ZNF282: variants seen among roughly 807,000 people sequenced by gnomAD.
ZNF282 encodes HTLV-I U5 repressive element-binding protein 1.
A neutral mutation model predicts 61.9 loss-of-function variants in ZNF282; 30 were observed. That is an observed-to-expected ratio of 0.48 (90% confidence interval 0.36 to 0.66). ZNF282 has a LOEUF of 0.66. Among genes scored for constraint, ZNF282 ranks in the 30% least tolerant of loss-of-function variants. The pLI is 0.00. For synonymous variants in ZNF282, 396 were observed against 405.0 expected (o/e 0.98, Z 0.27); for missense variants, 788 against 941.4 (o/e 0.84, Z 2.13).
At chr7:149,216,945 G>C (rs1004705729) in intron 7 of ZNF282, among the ~76,000 whole-genome samples, 6 of 152,186 alleles carry the variant, frequency 3.9e-5, no homozygotes, top group Non-Finnish European at 5.9e-5. Context: ...GATTCAGTTT[G>C]CCCAAAGTTA....
intron 2 of ZNF282, among the ~76,000 whole-genome samples, chr7:149,201,066 A>G (rs1795901002): frequency 6.6e-6 from 1 of 152,160 alleles, no homozygotes; most frequent in African/African-American, 2.4e-5. Flanking sequence ...AACATGTCCA[A>G]AGTGAACTGC....
At position 149,224,690 on chromosome 7, in the gene ZNF282, G is replaced by T. The variant is rs1465658405; in HGVS notation, c.*43G>T. ...GCAGGGCCGGACGGAGTGGATCGGGGGCGGCCTGAGCACCAACCACCTTGC... is the reference window on the plus strand; with the variant it reads ...GCAGGGCCGGACGGAGTGGATCGGGTGCGGCCTGAGCACCAACCACCTTGC... On this transcript the variant is annotated 3_prime_UTR_variant, in exon 8 of 8. Coordinates refer to ENST00000610704, the MANE Select transcript of ZNF282 (RefSeq NM_003575.4). The T allele has an allele frequency of 2.8e-6, 4 of 1,452,316 alleles. No individual in the cohort carries two copies. The East Asian group carries it at 1.0e-4, about 36-fold the overall frequency. 90.0% of individuals were successfully genotyped at this position (1,452,316 alleles called of 1,614,324 possible).
intron 4 of ZNF282, among the ~76,000 whole-genome samples, chr7:149,209,676 G>C (rs1388617388): frequency 1.3e-5 from 2 of 152,166 alleles, no homozygotes; most frequent in Non-Finnish European, 2.9e-5. Context: ...CTCATCCACT[G>C]AGTTGGTGCG....
intron 7 of ZNF282, among the ~76,000 whole-genome samples, chr7:149,222,837 G>A (rs973218620): frequency 6.6e-6 from 1 of 151,942 alleles, no homozygotes; most frequent in African/African-American, 2.4e-5. Flanking sequence ...TAGTAGAGAT[G>A]GGGTTTCACT....
intron 7 of ZNF282, among the ~76,000 whole-genome samples, chr7:149,217,860 C>T (rs907083228): frequency 6.6e-6 from 1 of 151,946 alleles, no homozygotes; most frequent in Non-Finnish European, 1.5e-5. Flanking sequence ...GCCATGGAGG[C>T]TTTGGGGAGG....
chr7:149,214,278 A>G (rs1048319001), intron 7 of ZNF282, among the ~76,000 whole-genome samples: 1 of 152,110 alleles, frequency 6.6e-6, no homozygotes, highest in Non-Finnish European at 1.5e-5. Flanking sequence ...TCTTATAAAG[A>G]CACCAGTCAT....
At chr7:149,207,525 G>A (rs1239462912) in intron 4 of ZNF282, 55 bp downstream of exon 4, 8 of 1,548,540 alleles carry the variant, frequency 5.2e-6, no homozygotes, top group Middle Eastern at 1.7e-4. Flanking sequence ...GAGGACAGCC[G>A]GCTTTCCGCA....
At chr7:149,215,548 T>TG (rs1460542325) in intron 7 of ZNF282, among the ~76,000 whole-genome samples, 1 of 152,240 alleles carries the variant, frequency 6.6e-6, no homozygotes, top group African/African-American at 2.4e-5. Context: ...GCGGAGGACA[T>TG]GGGTTGTTTC....
At chr7:149,196,815 A>G (rs565903196) in intron 1 of ZNF282, among the ~76,000 whole-genome samples, 5 of 152,222 alleles carry the variant, frequency 3.3e-5, no homozygotes, top group Non-Finnish European at 7.4e-5. Flanking sequence ...TACTGGTATT[A>G]CAGGGCCTGG....
At chr7:149,220,201 G>A (rs1796221131) in intron 7 of ZNF282, among the ~76,000 whole-genome samples, 1 of 152,188 alleles carries the variant, frequency 6.6e-6, no homozygotes, top group Admixed American at 6.5e-5. Context: ...GAGGTCAGGA[G>A]ATCGAGACCA....
intron 4 of ZNF282, 135 bp from the exon 5 acceptor site, chr7:149,210,450 T>G (rs537212040): frequency 3.4e-6 from 5 of 1,460,372 alleles, no homozygotes; most frequent in Non-Finnish European, 4.6e-6. Flanking sequence ...CAGCCATGCT[T>G]CTGAGCCCAG....
intron 2 of ZNF282, 190 bp from the exon 3 acceptor site, chr7:149,206,506 T>C (rs1795992474): frequency 2.6e-6 from 2 of 759,120 alleles, no homozygotes; most frequent in Admixed American, 2.4e-5. Context: ...TGACCATCCG[T>C]GTTATTGAAA....
At chr7:149,206,586 A>C in intron 2 of ZNF282, 110 bp from the exon 3 acceptor site, 1 of 1,533,938 alleles carries the variant, frequency 6.5e-7, no homozygotes. Flanking sequence ...GGAGCCACGG[A>C]GAGCAAAGGC....
intron 1 of ZNF282, 56 bp downstream of exon 1, chr7:149,195,810 TGGGCCGCGGGACC>T (rs1795806238): frequency 7.3e-7 from 1 of 1,363,876 alleles, no homozygotes; most frequent in South Asian, 1.8e-5. Flanking sequence ...GGGCGCGGGC[TGGGCCGCGGGACC>T]GGGCCGCGCC....
chr7:149,209,379 G>A (rs1382699976), intron 4 of ZNF282, among the ~76,000 whole-genome samples: 4 of 150,738 alleles, frequency 2.7e-5, no homozygotes, highest in Non-Finnish European at 4.4e-5. Flanking sequence ...ACCACCCCCC[G>A]CCCCTGGGAA....
intron 2 of ZNF282, among the ~76,000 whole-genome samples, chr7:149,205,697 G>A (rs12704070): frequency 0.52 from 79,538 of 152,014 alleles, 24,167 homozygotes; most frequent in East Asian, 0.93. Context: ...TAAAGGTGCT[G>A]CCCACTCACC....
In ZNF282 at chr7:149,223,991, G is replaced by C; in HGVS notation, c.1360G>C (p.Val454Leu). The C allele has an allele frequency of 7.9e-7, 1 of 1,263,774 alleles. No individual in the cohort carries two copies. The highest frequency in any genetic ancestry group is 4.3e-5 in the Admixed American group (1 of 23,364). 78.3% of individuals were successfully genotyped at this position (1,263,774 alleles called of 1,614,324 possible). A position where few individuals can be genotyped will look rare whatever the true frequency, so the allele number is the denominator to read the frequency against. Residue 454 changes from valine to leucine, a missense_variant, in exon 8 of 8, where the codon GTG becomes CTG. Physicochemically the swap from Val to Leu is conservative, Grantham distance 32. Transcript: ENST00000610704. ...SRGLLDDGFQ[V>L]LPGERGSGEA... ...AGGGCTGCTGGACGACGGTTTCCAG[G>C]TGCTGCCCGGGGAGCGTGGCTCCGG...
In ZNF282 at chr7:149,223,948, G is replaced by T; in HGVS notation, c.1317G>T (p.Pro439=). 2 of 1,310,376 alleles carry T rather than the reference G, an allele frequency of 1.5e-6. No homozygotes were observed. Among genetic ancestry groups the T allele is most frequent in the Non-Finnish European group, 1.9e-6 (2 of 1,032,704 alleles). 81.2% of individuals were successfully genotyped at this position (1,310,376 alleles called of 1,614,324 possible). The change falls in exon 8 of 8, where the codon CCG becomes CCT. Residue 439 remains proline (P), a synonymous_variant. Transcript: ENST00000610704. ...SLPPIAVAEN[P]GGPPSRGLLD... ...CCCCCATCGCGGTGGCCGAGAACCC[G>T]GGCGGCCCCCCGAGCCGAGGGCTGC... is the stretch of plus-strand genomic sequence containing the variant.
intron 4 of ZNF282, among the ~76,000 whole-genome samples, chr7:149,208,449 C>T (rs1181447930): frequency 2.6e-5 from 4 of 151,854 alleles, no homozygotes; most frequent in Admixed American, 6.6e-5. Flanking sequence ...GTGATCCACC[C>T]GCCTCGGCCT....
Sources: allele counts gnomAD v4.1 joint callset (sites outside exome capture counted in the v4.1 genomes callset), GRCh38; gene constraint gnomAD v4.1.1; transcripts MANE v1.5; gene names NCBI Gene and HGNC (gene_info 2026-07-23, HGNC 2026-07-21).